Variants in SEMA6D observed in about 807,000 individuals in gnomAD.
SEMA6D encodes the protein semaphorin-6D.
Under a neutral mutation model 106.6 loss-of-function variants are expected in SEMA6D, and 35 were observed. That is an observed-to-expected ratio of 0.33 (90% CI 0.25 to 0.44). SEMA6D has a LOEUF of 0.44. Ranked by LOEUF, SEMA6D falls within the 20% of genes least tolerant of loss-of-function variation. The probability of loss-of-function intolerance (pLI) is 1.00; values close to 1 mark genes in which losing one functional copy is unlikely to be tolerated. For synonymous variants in SEMA6D, 499 were observed against 487.7 expected (o/e 1.02, Z -0.31); for missense variants, 1,185 against 1,345.9 (o/e 0.88, Z 1.87).
At position 47,276,424 on chromosome 15, in the gene SEMA6D, A is replaced by G. The variant is rs140685351; in HGVS notation, c.-239+92006A>G. Reference sequence around the variant, plus strand: ...AGCCCAACTCTCTTGTTAGGGACTGATGCAGCTGCTGACTTTAAGTTGAAG... The same window carrying G: ...AGCCCAACTCTCTTGTTAGGGACTGGTGCAGCTGCTGACTTTAAGTTGAAG... On this transcript the variant is annotated intron_variant, in intron 1 of 19. Coordinates refer to the SEMA6D transcript ENST00000558014. Among the ~76,000 whole-genome samples the G allele has an allele frequency of 3.3e-3, 500 of 152,274 alleles. 4 individuals carry two copies. Among genetic ancestry groups the G allele is most frequent in the African/African-American group, 0.011 (470 of 41,568 alleles).
intron 3 of SEMA6D, among the ~76,000 whole-genome samples, chr15:47,562,177 A>G (rs1393215038): frequency 6.6e-6 from 1 of 152,100 alleles, no homozygotes; most frequent in South Asian, 2.1e-4. Context: ...CAGCAGCACA[A>G]AAGTAATTTA....
chr15:47,209,663 G>A (rs1895350883), intron 1 of SEMA6D, among the ~76,000 whole-genome samples: 1 of 152,164 alleles, frequency 6.6e-6, no homozygotes, highest in South Asian at 2.1e-4. Flanking sequence ...TCAGATGTGA[G>A]GAAGAAATCT....
At chr15:47,561,275 T>C (rs539487543) in intron 3 of SEMA6D, among the ~76,000 whole-genome samples, 1 of 152,132 alleles carries the variant, frequency 6.6e-6, no homozygotes, top group East Asian at 1.9e-4. Flanking sequence ...AGGGGAATGA[T>C]TAACAGCTGA....
At chr15:47,688,709 A>T (rs1158070230) in intron 4 of SEMA6D, among the ~76,000 whole-genome samples, 1 of 152,174 alleles carries the variant, frequency 6.6e-6, no homozygotes, top group Non-Finnish European at 1.5e-5. Context: ...TCAAGTTTTG[A>T]GTCTACCGTT....
chr15:47,603,233 G>A (rs2076701089), intron 4 of SEMA6D: 1 of 152,128 alleles, frequency 6.6e-6, no homozygotes, highest in Non-Finnish European at 1.5e-5. Context: ...TCACCACTCA[G>A]CATCATCTCT....
intron 2 of SEMA6D, among the ~76,000 whole-genome samples, chr15:47,429,229 A>T (rs974633832): frequency 6.6e-6 from 1 of 151,844 alleles, no homozygotes; most frequent in Non-Finnish European, 1.5e-5. Flanking sequence ...AGGCTGGCCA[A>T]CTCCTGGCTC....
chr15:47,764,569 T>C, intron 11 of SEMA6D, 69 bp from the exon 12 acceptor site: 2 of 1,580,672 alleles, frequency 1.3e-6, no homozygotes, highest in Non-Finnish European at 1.7e-6. Flanking sequence ...TATACACTTA[T>C]TCCTTAGATA....
chr15:47,722,408 T>C (rs1004785674), intron 1 of SEMA6D, among the ~76,000 whole-genome samples: 1 of 152,220 alleles, frequency 6.6e-6, no homozygotes, highest in Non-Finnish European at 1.5e-5. Context: ...GAACACGCGA[T>C]GTACCTAAAT....
chr15:47,367,688 G>GCC (rs1567030978), intron 1 of SEMA6D, among the ~76,000 whole-genome samples: 1 of 44,196 alleles, frequency 2.3e-5, no homozygotes, highest in Admixed American at 2.2e-4. Flanking sequence ...ACGCGCGCGC[G>GCC]CGCGCACACA....
At chr15:47,760,132 A>AAAAGG (rs2081981899) in intron 2 of SEMA6D, 172 bp from the exon 3 acceptor site, 1 of 538,820 alleles carries the variant, frequency 1.9e-6, no homozygotes, top group Admixed American at 4.8e-5. Flanking sequence ...ATTTTGAGTT[A>AAAAGG]AAAAGACCAT....
chr15:47,688,759 G>T (rs2078523474), intron 4 of SEMA6D, among the ~76,000 whole-genome samples: 2 of 152,148 alleles, frequency 1.3e-5, no homozygotes, highest in Admixed American at 1.3e-4. Flanking sequence ...CTGTACTTCA[G>T]TTTCTTCACT....
rs1385291491 is a variant in SEMA6D, at chr15:47,279,332, G to C, written c.-239+94914G>C. Among the ~76,000 whole-genome samples the C allele has an allele frequency of 5.1e-3, 606 of 119,168 alleles. 4 individuals carry two copies. Among genetic ancestry groups the C allele is most frequent in the Non-Finnish European group, 8.3e-3 (507 of 61,322 alleles). The allele number at this position is 119,168 out of a possible 152,430, so 78.2% of individuals were successfully genotyped here. ...TCATGATTTGGCTCTCTGTTTGTCT[G>C]TTATTGGTGTATGAGAATGCTTGTG... On this transcript the variant is annotated intron_variant, in intron 1 of 19. Coordinates refer to the SEMA6D transcript ENST00000558014.
intron 1 of SEMA6D, chr15:47,730,471 A>T (rs906104322): frequency 7.6e-7 from 1 of 1,323,238 alleles, no homozygotes; most frequent in African/African-American, 1.4e-5. Context: ...CGTCGTGTGC[A>T]ATCAGCACCA....
chr15:47,300,258 GGCTGATT>G (rs1165985320), intron 1 of SEMA6D, among the ~76,000 whole-genome samples: 1 of 152,120 alleles, frequency 6.6e-6, no homozygotes, highest in Non-Finnish European at 1.5e-5. Context: ...TTTCATTCTT[GGCTGATT>G]GCTCTTGTAT....
chr15:47,703,657 T>A (rs2078859370), intron 4 of SEMA6D, among the ~76,000 whole-genome samples: 1 of 152,140 alleles, frequency 6.6e-6, no homozygotes, highest in South Asian at 2.1e-4. Flanking sequence ...AAATTAATAT[T>A]ATTATATAGA....
chr15:47,229,271 T>C (rs2032022037), intron 1 of SEMA6D, among the ~76,000 whole-genome samples: 1 of 151,970 alleles, frequency 6.6e-6, no homozygotes, highest in Non-Finnish European at 1.5e-5. Context: ...GGACTAAAGA[T>C]CTATTTGTTT....
At chr15:47,409,529 A>G (rs1420885459) in intron 1 of SEMA6D, among the ~76,000 whole-genome samples, 2 of 152,238 alleles carry the variant, frequency 1.3e-5, no homozygotes, top group Non-Finnish European at 2.9e-5. Flanking sequence ...TAAGGAGATT[A>G]GTCCAAAGAC....
At chr15:47,188,083 G>C (rs1164431580) in intron 1 of SEMA6D, among the ~76,000 whole-genome samples, 1 of 151,964 alleles carries the variant, frequency 6.6e-6, no homozygotes, top group South Asian at 2.1e-4. Flanking sequence ...TTTTATTTTT[G>C]GGGGATGCTG....
chr15:47,596,950 A>G (rs1596394444), intron 3 of SEMA6D, among the ~76,000 whole-genome samples: 1 of 152,266 alleles, frequency 6.6e-6, no homozygotes, highest in South Asian at 2.1e-4. Flanking sequence ...CATCAGACTA[A>G]AAATCTTCTC....
Sources: gnomAD v4.1 joint callset for allele counts (sites outside exome capture counted in the v4.1 genomes callset) on GRCh38, gnomAD v4.1.1 for gene constraint, MANE v1.5 for transcripts, NCBI Gene and HGNC (gene_info 2026-07-23, HGNC 2026-07-21) for gene names.